Variants in OTC observed in about 807,000 individuals in gnomAD.
The protein encoded by OTC is ornithine transcarbamylase.
Under a neutral mutation model 30.3 loss-of-function variants are expected in OTC, and 3 were observed. The observed-to-expected ratio is 0.10, with a 90% confidence interval of 0.05 to 0.26. The LOEUF (loss-of-function observed/expected upper bound fraction) is 0.26, where lower values mean the gene tolerates loss of function less well. Among genes scored for constraint, OTC ranks in the 10% least tolerant of loss-of-function variants. The pLI, the probability that OTC is intolerant of heterozygous loss-of-function variation, is 1.00. For missense variants in OTC, 194 were observed against 260.3 expected, an observed-to-expected ratio of 0.75 and a Z score of 1.75; for synonymous variants, 111 against 99.7, an observed-to-expected ratio of 1.11 and a Z score of -0.67.
At chrX:38,374,499 A>G (rs966649859) in intron 3 of OTC, among the ~76,000 whole-genome samples, 1 of 110,986 alleles carries the variant, frequency 9.0e-6, no homozygotes, top group South Asian at 3.8e-4. Context: ...TCTCAGAGGT[A>G]GTATTTCCTC....
chrX:38,403,183 C>G (rs1483052882), intron 5 of OTC, among the ~76,000 whole-genome samples: 1 of 111,869 alleles, frequency 8.9e-6, no homozygotes, highest in Non-Finnish European at 1.9e-5. Context: ...CTATGCTACA[C>G]TGTTCCAGGT....
chrX:38,399,954 G>A (rs1372570282), intron 4 of OTC, among the ~76,000 whole-genome samples: 2 of 111,344 alleles, frequency 1.8e-5, no homozygotes, highest in African/African-American at 6.5e-5. Context: ...CCCTGGTGTG[G>A]AGAAGCTTCC....
At chrX:38,368,035 C>T (rs1482112439) in intron 2 of OTC, among the ~76,000 whole-genome samples, 1 of 110,890 alleles carries the variant, frequency 9.0e-6, no homozygotes, top group African/African-American at 3.3e-5. Context: ...TATTTTTATA[C>T]CCCTTTTCTT....
chrX:38,367,191 AAAG>A, intron 1 of OTC, 97 bp from the exon 2 acceptor site: 3 of 734,049 alleles, frequency 4.1e-6, no homozygotes, highest in African/African-American at 2.2e-5. Flanking sequence ...AAAAAAAAGA[AAAG>A]AAAAGAATGC....
the OTC span, among the ~76,000 whole-genome samples, chrX:38,344,791 C>T: frequency 2.7e-5 from 3 of 110,735 alleles, no homozygotes; most frequent in African/African-American, 6.6e-5. Flanking sequence ...AAGCAACAGA[C>T]TGGGAAAACA....
the OTC span, among the ~76,000 whole-genome samples, chrX:38,342,243 G>A: frequency 1.8e-5 from 2 of 108,541 alleles, no homozygotes; most frequent in African/African-American, 3.4e-5. Flanking sequence ...GGCTAGTCTC[G>A]AACTCCTGAC....
At chrX:38,385,050 G>T (rs182193724) in intron 4 of OTC, among the ~76,000 whole-genome samples, 42 of 111,444 alleles carry the variant, frequency 3.8e-4, no homozygotes, top group African/African-American at 1.1e-3. Context: ...GGGGAATGGG[G>T]GTGGGTCACC....
Position 38,381,579 on chromosome X carries a change from T to C in OTC, c.386+150T>C. The C allele has an allele frequency of 1.8e-5, 8 of 452,974 alleles. No homozygotes were observed. The South Asian group carries it at 2.1e-4, about 12-fold the overall frequency. The allele number at this position is 452,974 out of a possible 1,213,427, so 37.3% of individuals were successfully genotyped here. A position where few individuals can be genotyped will look rare whatever the true frequency, so the allele number is the denominator to read the frequency against. ...CTTTCCCTGATATTCTGAATACCTC[T>C]CCCTCATCCTGTGGCCACTTTCCAT... On this transcript the variant is annotated intron_variant, in intron 4 of 9. Coordinates refer to ENST00000039007, the MANE Select transcript of OTC (RefSeq NM_000531.6).
chrX:38,420,109 G>C (rs1177370200), intron 9 of OTC, among the ~76,000 whole-genome samples: 3 of 111,015 alleles, frequency 2.7e-5, no homozygotes, highest in Non-Finnish European at 5.7e-5. Flanking sequence ...ACATCATGCT[G>C]TACTCCATAA....
chrX:38,345,564 G>A, the OTC span, among the ~76,000 whole-genome samples: 11 of 106,866 alleles, frequency 1.0e-4, no homozygotes, highest in African/African-American at 2.4e-4. Context: ...TTTTTGAGGC[G>A]AAGTCTTTTT....
chrX:38,348,058 A>C (rs1203711198), upstream of OTC, among the ~76,000 whole-genome samples: 1 of 112,489 alleles, frequency 8.9e-6, no homozygotes, highest in Non-Finnish European at 1.9e-5. Context: ...TCTCAGTAAT[A>C]GGATAAATGT....
At chrX:38,378,895 C>T (rs1054665735) in intron 3 of OTC, among the ~76,000 whole-genome samples, 1 of 111,567 alleles carries the variant, frequency 9.0e-6, no homozygotes, top group African/African-American at 3.3e-5. Flanking sequence ...ATATGGAGTT[C>T]TAGTGTGATT....
chrX:38,331,949 G>T, the OTC span, among the ~76,000 whole-genome samples: 4 of 110,940 alleles, frequency 3.6e-5, no homozygotes, highest in Non-Finnish European at 7.6e-5. Context: ...CCACGAATTT[G>T]TACTGGTTCA....
downstream of OTC, among the ~76,000 whole-genome samples, chrX:38,422,004 C>T (rs759508928): frequency 1.8e-5 from 2 of 111,439 alleles, no homozygotes; most frequent in South Asian, 3.7e-4. Flanking sequence ...ATTTCTCTTG[C>T]GGGTGACTAA....
chrX:38,359,914 CTTT>C (rs57184116), intron 1 of OTC, among the ~76,000 whole-genome samples: 1 of 94,517 alleles, frequency 1.1e-5, no homozygotes, highest in Admixed American at 1.2e-4. Flanking sequence ...TTCTTTCTTT[CTTT>C]TTTTTTTTTT....
chrX:38,353,432 A>C (rs2068227482), intron 1 of OTC, among the ~76,000 whole-genome samples: 1 of 111,304 alleles, frequency 9.0e-6, no homozygotes, highest in South Asian at 3.8e-4. Flanking sequence ...GAGATGAGTT[A>C]GCTGGGTAAA....
chrX:38,417,178 C>CGTT (rs1371775972), intron 9 of OTC, among the ~76,000 whole-genome samples: 1 of 111,805 alleles, frequency 8.9e-6, no homozygotes, highest in East Asian at 2.8e-4. Flanking sequence ...CTGTCTGTAA[C>CGTT]GTTCTTTATT....
At chrX:38,415,036 A>G (rs952510155) in intron 9 of OTC, among the ~76,000 whole-genome samples, 1 of 111,146 alleles carries the variant, frequency 9.0e-6, no homozygotes, top group Non-Finnish European at 1.9e-5. Context: ...TATCCACGCT[A>G]AATTCCTATT....
In OTC at chrX:38,372,248, A is replaced by G. The variant is rs184095220; in HGVS notation, c.298+2371A>G. Among the ~76,000 whole-genome samples the G allele has an allele frequency of 6.7e-3, 743 of 111,379 alleles. 8 individuals carry two copies. The highest frequency in any genetic ancestry group is 0.023 in the African/African-American group (711 of 30,769). Reference sequence around the variant, plus strand: ...AGGCAGACCCTGTGCCAGGTGTTCTACATTAATTATGTGTGTTATCTCACT... The same window carrying G: ...AGGCAGACCCTGTGCCAGGTGTTCTGCATTAATTATGTGTGTTATCTCACT... On this transcript the variant is annotated intron_variant, in intron 3 of 9. Transcript: ENST00000039007.
Sources: gnomAD v4.1 joint callset for allele counts (sites outside exome capture counted in the v4.1 genomes callset) on GRCh38, gnomAD v4.1.1 for gene constraint, MANE v1.5 for transcripts, NCBI Gene and HGNC (gene_info 2026-07-23, HGNC 2026-07-21) for gene names.